The following IL1R1 variants were observed in gnomAD, a reference collection of about 807,000 sequenced individuals.
IL1R1 encodes interleukin-1 receptor type 1.
IL1R1 carries 22 observed loss-of-function variants against 50.2 expected under a neutral mutation model. That is an observed-to-expected ratio of 0.44 (90% confidence interval 0.31 to 0.63). The LOEUF (loss-of-function observed/expected upper bound fraction) is 0.63, where lower values mean the gene tolerates loss of function less well. IL1R1 is among the 20% of genes least tolerant of loss of function. The pLI is 0.07. For synonymous variants in IL1R1, 251 were observed against 236.7 expected, an observed-to-expected ratio of 1.06 and a Z score of -0.55; for missense variants, 509 against 676.2, an observed-to-expected ratio of 0.75 and a Z score of 2.74.
intron 3 of IL1R1, among the ~76,000 whole-genome samples, chr2:102,158,012 CAAGGT>C (rs1457967889): frequency 6.6e-6 from 1 of 152,190 alleles, no homozygotes; most frequent in Non-Finnish European, 1.5e-5. Context: ...GCTGAGAGCC[CAAGGT>C]CATGTAGCTA....
At chr2:102,172,112 C>G in intron 8 of IL1R1, 194 bp downstream of exon 8, 1 of 196,324 alleles carries the variant, frequency 5.1e-6, no homozygotes, top group Non-Finnish European at 7.5e-6. Context: ...AAATACTTGT[C>G]ATTGTGGTGC....
In IL1R1 at chr2:102,120,027, C is replaced by T. The variant is rs755464184; in HGVS notation, c.-84+15155C>T. ...CATTAGTCCCCTGTCAGAACTCTGT[C>T]GTGGCCCCTTCCAAACCTCCCCCTG... On this transcript the variant is annotated intron_variant, in intron 1 of 10. Coordinates refer to the IL1R1 transcript ENST00000409329. Among the ~76,000 whole-genome samples, 3 of 152,138 alleles carry T rather than the reference C, an allele frequency of 2.0e-5. No homozygotes were observed. The South Asian group carries it at 6.2e-4, about 32-fold the overall frequency.
At chr2:102,089,392 G>C (rs1019038464) in intron 1 of IL1R1, among the ~76,000 whole-genome samples, 2 of 152,308 alleles carry the variant, frequency 1.3e-5, no homozygotes, top group East Asian at 1.9e-4. Flanking sequence ...TGTCTTATGA[G>C]TGTGGTTTGT....
At chr2:102,092,115 T>G (rs1406057211) in intron 1 of IL1R1, among the ~76,000 whole-genome samples, 1 of 152,192 alleles carries the variant, frequency 6.6e-6, no homozygotes, top group East Asian at 1.9e-4. Flanking sequence ...ACTCATCATT[T>G]GTTTGAGACC....
intron 7 of IL1R1, among the ~76,000 whole-genome samples, chr2:102,168,904 C>T (rs1353957410): frequency 6.6e-6 from 1 of 152,026 alleles, no homozygotes; most frequent in African/African-American, 2.4e-5. Flanking sequence ...ACCATGAAAA[C>T]ACCAACCAGA....
At chr2:102,079,825 C>T (rs565098876) in intron 1 of IL1R1, among the ~76,000 whole-genome samples, 15 of 152,162 alleles carry the variant, frequency 9.9e-5, no homozygotes, top group Admixed American at 9.2e-4. Context: ...ACTTACACTC[C>T]CATTTTAAAA....
upstream of IL1R1, among the ~76,000 whole-genome samples, chr2:102,103,839 C>T (rs1680259906): frequency 6.6e-6 from 1 of 151,790 alleles, no homozygotes; most frequent in Non-Finnish European, 1.5e-5. Context: ...ACTAAAATTA[C>T]AAAAATTAGC....
chr2:102,101,897 A>G (rs1160098496), upstream of IL1R1, among the ~76,000 whole-genome samples: 1 of 152,204 alleles, frequency 6.6e-6, no homozygotes, highest in Non-Finnish European at 1.5e-5. Context: ...TTTGTTGCCA[A>G]CTATGACTAT....
Position 102,074,904 on chromosome 2 carries a change from A to G in IL1R1, c.-84+4371A>G, listed in dbSNP as rs554990053. The stretch of plus-strand genomic sequence containing the variant: ...TTCAGTGCATCATTTTTATTATCAG[A>G]AAAACAATGACATTTTATTAAATAT... On this transcript the variant is annotated intron_variant, in intron 1 of 11. Coordinates refer to the IL1R1 transcript ENST00000409929. Among the ~76,000 whole-genome samples the G allele has an allele frequency of 4.6e-5, 7 of 152,300 alleles. No homozygotes were observed. The South Asian group carries it at 1.0e-3, about 23-fold the overall frequency.
At chr2:102,170,821 T>A (rs1197631232) in intron 7 of IL1R1, among the ~76,000 whole-genome samples, 1 of 152,144 alleles carries the variant, frequency 6.6e-6, no homozygotes, top group Non-Finnish European at 1.5e-5. Flanking sequence ...AGCACTTTGG[T>A]AGGCCAAGGT....
At chr2:102,163,417 T>C (rs1684898329) in intron 3 of IL1R1, among the ~76,000 whole-genome samples, 1 of 152,214 alleles carries the variant, frequency 6.6e-6, no homozygotes, top group Admixed American at 6.5e-5. Context: ...TATTTTTGTC[T>C]CTGTGCTTAA....
At chr2:102,098,607 C>A (rs891424913) in intron 1 of IL1R1, among the ~76,000 whole-genome samples, 3 of 151,866 alleles carry the variant, frequency 2.0e-5, no homozygotes, top group Non-Finnish European at 4.4e-5. Flanking sequence ...TAGTACACTG[C>A]AGTGAAAGTA....
intron 1 of IL1R1, among the ~76,000 whole-genome samples, chr2:102,144,202 C>T (rs1440917713): frequency 6.6e-6 from 1 of 152,106 alleles, no homozygotes; most frequent in Non-Finnish European, 1.5e-5. Flanking sequence ...CCGATGTTAA[C>T]GTTTATGCTA....
At chr2:102,095,324 C>T (rs186612916) in intron 1 of IL1R1, among the ~76,000 whole-genome samples, 1 of 152,204 alleles carries the variant, frequency 6.6e-6, no homozygotes, top group African/African-American at 2.4e-5. Context: ...GCCAATTTAT[C>T]TGTTAGGAAA....
chr2:102,131,068 T>C (rs1682003836), intron 1 of IL1R1, among the ~76,000 whole-genome samples: 1 of 152,010 alleles, frequency 6.6e-6, no homozygotes, highest in Non-Finnish European at 1.5e-5. Flanking sequence ...AAAGATTAGA[T>C]GAAATAGTGG....
intron 8 of IL1R1, 184 bp from the exon 9 acceptor site, chr2:102,172,503 T>A: frequency 8.6e-7 from 1 of 1,169,086 alleles, no homozygotes; most frequent in South Asian, 2.4e-5. Context: ...CTGACAGTGG[T>A]CTTGGGGTTA....
Position 102,175,920 on chromosome 2 carries a change from G to A in IL1R1, c.1303+275G>A, listed in dbSNP as rs929314964. On this transcript the variant is annotated intron_variant, in intron 11 of 11. Transcript: ENST00000410023. ...CTTTACAACTGATACAATTAAACAGGAGTGGTAGAGATCAAATGATTGAAT... is the reference window on the plus strand; with the variant it reads ...CTTTACAACTGATACAATTAAACAGAAGTGGTAGAGATCAAATGATTGAAT... The A allele has an allele frequency of 2.0e-5, 11 of 548,494 alleles. No individual in the cohort carries two copies. In the Admixed American group the frequency reaches 3.8e-4, roughly 19 times the overall value. 34.0% of individuals were successfully genotyped at this position (548,494 alleles called of 1,614,324 possible). A position where few individuals can be genotyped will look rare whatever the true frequency, so the allele number is the denominator to read the frequency against.
intron 1 of IL1R1, among the ~76,000 whole-genome samples, chr2:102,107,787 C>T (rs980774937): frequency 2.0e-5 from 3 of 152,168 alleles, no homozygotes; most frequent in Non-Finnish European, 2.9e-5. Flanking sequence ...TTTGGTTACT[C>T]ATTGCCAAAG....
At chr2:102,090,736 A>G (rs1294231497) in intron 1 of IL1R1, among the ~76,000 whole-genome samples, 1 of 152,134 alleles carries the variant, frequency 6.6e-6, no homozygotes, top group Non-Finnish European at 1.5e-5. Flanking sequence ...TCTTGAGGGT[A>G]TTAATCACAG....
Sources: gnomAD v4.1 joint callset for allele counts (sites outside exome capture counted in the v4.1 genomes callset) on GRCh38, gnomAD v4.1.1 for gene constraint, MANE v1.5 for transcripts, NCBI Gene and HGNC (gene_info 2026-07-23, HGNC 2026-07-21) for gene names.